The following ELAPOR1 variants were observed in gnomAD, a reference collection of about 807,000 sequenced individuals.
The protein encoded by ELAPOR1 is endosome-lysosome associated apoptosis and autophagy regulator 1.
Under a neutral mutation model 119.7 loss-of-function variants are expected in ELAPOR1, and 77 were observed. The observed-to-expected ratio is 0.64, with a 90% CI of 0.54 to 0.78. ELAPOR1 has a LOEUF of 0.78. Among genes scored for constraint, ELAPOR1 ranks in the 30% least tolerant of loss-of-function variants. ELAPOR1 has a pLI of 0.00. For missense variants in ELAPOR1, 1,115 were observed against 1,270.4 expected, an observed-to-expected ratio of 0.88 and a Z score of 1.86; for synonymous variants, 481 against 487.2, an observed-to-expected ratio of 0.99 and a Z score of 0.17.
chr1:109,177,532 A>G (rs924167085), intron 7 of ELAPOR1, among the ~76,000 whole-genome samples: 1 of 139,724 alleles, frequency 7.2e-6, no homozygotes, highest in Non-Finnish European at 1.5e-5. Context: ...CACTTCCCAG[A>G]CGGGGTGGCG....
At chr1:109,190,654 T>C (rs1346900683) in intron 11 of ELAPOR1, among the ~76,000 whole-genome samples, 1 of 152,232 alleles carries the variant, frequency 6.6e-6, no homozygotes, top group Non-Finnish European at 1.5e-5. Context: ...AGCAAACTTT[T>C]TAGGCTTTTT....
intron 2 of ELAPOR1, among the ~76,000 whole-genome samples, chr1:109,162,722 C>T (rs1651337726): frequency 6.6e-6 from 1 of 152,218 alleles, no homozygotes; most frequent in African/African-American, 2.4e-5. Flanking sequence ...CAGCTTAGTA[C>T]AGTGCCTGGT....
In ELAPOR1 at chr1:109,188,179, A is replaced by T. The variant is rs747352801; in HGVS notation, c.1044A>T (p.Thr348=). ...THTACDANGE[T]QLMYKWAKPK... The stretch of plus-strand genomic sequence containing the variant: ...TTGTGCTTAATCCATTTCTGCAGAC[A>T]CAACTCATGTACAAATGGGCCAAGC... The change falls in exon 9 of 22, where the codon ACA becomes ACT. Residue 348 remains threonine, a splice_region_variant and synonymous_variant. Transcript: ENST00000369939. 2 of 1,602,296 alleles carry T rather than the reference A, an allele frequency of 1.2e-6. No homozygotes were observed. Among genetic ancestry groups the T allele is most frequent in the Admixed American group, 3.3e-5 (2 of 59,714 alleles).
chr1:109,164,773 C>A, intron 3 of ELAPOR1, 82 bp downstream of exon 3: 1 of 1,343,068 alleles, frequency 7.4e-7, no homozygotes, highest in Non-Finnish European at 1.0e-6. Context: ...TCCTCCGCTG[C>A]CCCTCAGGCT....
chr1:109,145,479 A>G (rs891344136), intron 1 of ELAPOR1, among the ~76,000 whole-genome samples: 13 of 152,038 alleles, frequency 8.6e-5, no homozygotes, highest in Non-Finnish European at 1.5e-5. Flanking sequence ...AACATGGCGA[A>G]ACCCTGTCTC....
intron 8 of ELAPOR1, 107 bp downstream of exon 8, chr1:109,185,240 T>TA (rs1652974512): frequency 1.2e-6 from 1 of 869,502 alleles, no homozygotes; most frequent in South Asian, 1.4e-5. Flanking sequence ...TGGCACTAGT[T>TA]AAAACCCCAC....
chr1:109,198,849 G>A (rs1296450754), intron 18 of ELAPOR1, among the ~76,000 whole-genome samples, 175 bp downstream of exon 18: 1 of 152,234 alleles, frequency 6.6e-6, no homozygotes, highest in East Asian at 1.9e-4. Context: ...GCAAGAATGG[G>A]GTAGAAGGAA....
rs911362458 is a variant in ELAPOR1 at position 109,173,843 on chromosome 1, G to C, written c.952+6G>C. ...TGACCCTGACAAATACTCAGGTGAT[G>C]TTTCTGAGGGTGGGAAGAGTTTGGG... On this transcript the variant is annotated splice_donor_region_variant and intron_variant, in intron 7 of 21. Transcript: ENST00000369939. 6.2e-7 allele frequency: 1 copy of C among 1,613,558 alleles called. No individual in the cohort carries two copies. The highest frequency in any genetic ancestry group is 2.2e-5 in the East Asian group (1 of 44,870).
intron 1 of ELAPOR1, among the ~76,000 whole-genome samples, chr1:109,158,682 G>A (rs931322687): frequency 1.2e-4 from 18 of 152,222 alleles, no homozygotes; most frequent in South Asian, 2.1e-4. Context: ...AAGGAGTTAC[G>A]TGCTGGATGT....
At chr1:109,160,883 G>C (rs1651204267) in intron 1 of ELAPOR1, among the ~76,000 whole-genome samples, 2 of 152,170 alleles carry the variant, frequency 1.3e-5, no homozygotes, top group African/African-American at 4.8e-5. Context: ...TCTTTGTTCT[G>C]AGTGGAACTG....
intron 3 of ELAPOR1, among the ~76,000 whole-genome samples, chr1:109,167,271 G>A (rs1440750983): frequency 6.6e-6 from 1 of 152,032 alleles, no homozygotes; most frequent in African/African-American, 2.4e-5. Flanking sequence ...AGAGAGGCAG[G>A]ATGTGGGTGG....
intron 1 of ELAPOR1, among the ~76,000 whole-genome samples, chr1:109,138,357 C>T (rs941793849): frequency 1.3e-5 from 2 of 152,120 alleles, no homozygotes; most frequent in African/African-American, 4.8e-5. Context: ...CCTTCACAAA[C>T]GTGATACAGA....
At chr1:109,153,439 T>C (rs567718848) in intron 1 of ELAPOR1, among the ~76,000 whole-genome samples, 1 of 152,138 alleles carries the variant, frequency 6.6e-6, no homozygotes, top group Non-Finnish European at 1.5e-5. Flanking sequence ...GATGCGGCCA[T>C]TAAGGACATG....
chr1:109,169,323 T>C (rs546643072), intron 3 of ELAPOR1, among the ~76,000 whole-genome samples: 88 of 152,286 alleles, frequency 5.8e-4, no homozygotes, highest in African/African-American at 2.1e-3. Context: ...CACTGCAACC[T>C]CCGCCTCCCA....
rs532196939 is a variant in ELAPOR1 at position 109,188,638 on chromosome 1, A to G, written c.1219+284A>G. ...CAATCCTCAAAGCAGGGCTTCCAGC[A>G]TATGGCAGAGATGCTGACTAGGCTT... On this transcript the variant is annotated intron_variant, in intron 9 of 21. Coordinates refer to ENST00000369939, the MANE Select transcript of ELAPOR1 (RefSeq NM_020775.5). 8.5e-5 allele frequency among the ~76,000 whole-genome samples: 13 copies of G among 152,246 alleles called. No homozygotes were observed. The East Asian group carries it at 1.5e-3, about 18-fold the overall frequency.
intron 11 of ELAPOR1, among the ~76,000 whole-genome samples, chr1:109,190,152 A>G (rs1653342213): frequency 6.6e-6 from 1 of 152,036 alleles, no homozygotes; most frequent in Non-Finnish European, 1.5e-5. Flanking sequence ...ACACACACAC[A>G]CACACCTCCT....
chr1:109,200,349 CTG>C, intron 20 of ELAPOR1, 112 bp downstream of exon 20: 1 of 1,264,702 alleles, frequency 7.9e-7, no homozygotes, highest in South Asian at 1.3e-5. Context: ...GCTACAGACT[CTG>C]TGACTTATCC....
chr1:109,174,413 TAAAAAAAAAAAAAAAAAAAAA>T (rs59275691), intron 7 of ELAPOR1, among the ~76,000 whole-genome samples: 2 of 42,034 alleles, frequency 4.8e-5, no homozygotes, highest in Non-Finnish European at 4.0e-5. Flanking sequence ...ACCCTGTCTC[TAAAAAAAAAAAAAAAAAAAAA>T]AAAAAAAAAA....
At chr1:109,128,400 A>G (rs992038527) in intron 1 of ELAPOR1, among the ~76,000 whole-genome samples, 2 of 152,214 alleles carry the variant, frequency 1.3e-5, no homozygotes, top group African/African-American at 4.8e-5. Flanking sequence ...GAAATTGGCT[A>G]ATTTTGTGCT....
Sources: allele counts gnomAD v4.1 joint callset (sites outside exome capture counted in the v4.1 genomes callset), GRCh38; gene constraint gnomAD v4.1.1; transcripts MANE v1.5; gene names NCBI Gene and HGNC (gene_info 2026-07-23, HGNC 2026-07-21).